The following ANK2 variants were observed in gnomAD, a reference collection of about 807,000 sequenced individuals.
The protein encoded by ANK2 is ankyrin 2.
ANK2 carries 83 observed loss-of-function variants against 360.5 expected under a neutral mutation model. The ratio of observed to expected loss-of-function variants is 0.23; its 90% confidence interval spans 0.19 to 0.28. ANK2 has a LOEUF of 0.28. ANK2 is among the 10% of genes least tolerant of loss of function. ANK2 has a pLI of 1.00. For missense variants in ANK2, 4,201 were observed against 4,795.7 expected (o/e 0.88, Z 3.66); for synonymous variants, 1,740 against 1,759.5 (o/e 0.99, Z 0.28).
At chr4:112,953,319 TA>T (rs1356246706) in intron 2 of ANK2, among the ~76,000 whole-genome samples, 10 of 152,392 alleles carry the variant, frequency 6.6e-5, no homozygotes, top group South Asian at 2.1e-4. Context: ...TTGAATATTG[TA>T]AAAATAATTA....
Position 113,247,546 on chromosome 4 carries a change from A to C in ANK2, c.892-2218A>C, listed in dbSNP as rs936579640. Among the ~76,000 whole-genome samples the C allele has an allele frequency of 2.0e-5, 3 of 152,222 alleles. No individual in the cohort carries two copies. In the South Asian group the frequency reaches 6.2e-4, roughly 31 times the overall value. On this transcript the variant is annotated intron_variant, in intron 9 of 45. Transcript: ENST00000357077. ...ATTTTGGATGTTTCAACATGATTAC[A>C]CAAAGACTATTTCATGCAATTTGCA...
chr4:112,894,917 CCA>C (rs1401167118), intron 1 of ANK2, among the ~76,000 whole-genome samples: 1 of 152,060 alleles, frequency 6.6e-6, no homozygotes, highest in Non-Finnish European at 1.5e-5. Flanking sequence ...TTTTTTTCCC[CCA>C]CAGTCTTTGA....
chr4:113,336,384 C>G (rs936274831), intron 30 of ANK2, 193 bp from the exon 31 acceptor site: 5 of 612,192 alleles, frequency 8.2e-6, no homozygotes, highest in Non-Finnish European at 1.4e-5. Flanking sequence ...CATCAGAGAT[C>G]GTGGATCTTA....
chr4:112,820,192 C>T (rs1259948554), intron 1 of ANK2, among the ~76,000 whole-genome samples: 1 of 152,256 alleles, frequency 6.6e-6, no homozygotes, highest in Non-Finnish European at 1.5e-5. Flanking sequence ...CCTGTATCCT[C>T]TTCCTGTCTT....
chr4:113,178,061 C>G (rs561909012), intron 2 of ANK2, among the ~76,000 whole-genome samples: 17 of 152,220 alleles, frequency 1.1e-4, no homozygotes, highest in Admixed American at 3.9e-4. Context: ...GGTTGATTCT[C>G]TTCAATTCCC....
intron 1 of ANK2, among the ~76,000 whole-genome samples, chr4:113,132,295 A>T (rs1162756637): frequency 6.6e-6 from 1 of 151,992 alleles, no homozygotes; most frequent in African/African-American, 2.4e-5. Flanking sequence ...TTCCGTTTTT[A>T]TATGTTTTAA....
intron 1 of ANK2, among the ~76,000 whole-genome samples, chr4:112,861,073 A>T (rs779118542): frequency 6.6e-6 from 1 of 152,206 alleles, no homozygotes; most frequent in Non-Finnish European, 1.5e-5. Flanking sequence ...TTGTCTCTAC[A>T]CTCTGATGCG....
upstream of ANK2, among the ~76,000 whole-genome samples, chr4:112,815,179 C>T (rs1367186209): frequency 7.2e-5 from 11 of 152,020 alleles, no homozygotes; most frequent in African/African-American, 2.7e-4. Context: ...CCACCACTGG[C>T]GAGAATTCAC....
intron 20 of ANK2, among the ~76,000 whole-genome samples, chr4:113,290,319 G>A (rs2066899671): frequency 6.6e-6 from 1 of 151,948 alleles, no homozygotes; most frequent in Admixed American, 6.6e-5. Context: ...TTTGGGAAAG[G>A]AATTAGGTTT....
chr4:113,329,152 T>C (rs2091533770), intron 26 of ANK2, among the ~76,000 whole-genome samples: 1 of 152,250 alleles, frequency 6.6e-6, no homozygotes, highest in Non-Finnish European at 1.5e-5. Context: ...TGTATACGTA[T>C]ACACAACACT....
In ANK2 at chr4:112,847,197, G is replaced by C. The variant is rs112289766; in HGVS notation, c.-40+28933G>C. Among the ~76,000 whole-genome samples the C allele has an allele frequency of 5.4e-3, 823 of 152,244 alleles. 5 individuals carry two copies. Among genetic ancestry groups the C allele is most frequent in the African/African-American group, 0.019 (776 of 41,528 alleles). ...TCTGATACTTCAGGTCTACAGATCCGGCTGCTTTGTGATGTCTTCTGTGTG... is the reference window on the plus strand; with the variant it reads ...TCTGATACTTCAGGTCTACAGATCCCGCTGCTTTGTGATGTCTTCTGTGTG... On this transcript the variant is annotated intron_variant, in intron 1 of 30. Transcript: ENST00000503271.
the ANK2 span, among the ~76,000 whole-genome samples, chr4:112,739,998 T>C: frequency 1.4e-4 from 22 of 151,956 alleles, no homozygotes; most frequent in African/African-American, 5.1e-4. Flanking sequence ...CCCGTCTCAA[T>C]AAATAAATAA....
intron 1 of ANK2, among the ~76,000 whole-genome samples, chr4:112,864,893 G>A (rs1288438406): frequency 6.6e-6 from 1 of 151,390 alleles, no homozygotes; most frequent in Non-Finnish European, 1.5e-5. Context: ...TTAGCTGGGC[G>A]TGGTGGTGGG....
At position 113,382,013 on chromosome 4, in the gene ANK2, T is replaced by C. The variant is rs116499162; in HGVS notation, c.*542T>C. The C allele has an allele frequency of 1.1e-3, 306 of 271,448 alleles. No homozygotes were observed. The highest frequency in any genetic ancestry group is 6.4e-3 in the African/African-American group (297 of 46,132). 16.8% of individuals were successfully genotyped at this position (271,448 alleles called of 1,614,324 possible). On this transcript the variant is annotated 3_prime_UTR_variant, in exon 46 of 46. Transcript: ENST00000357077. ...TAGGAATCCTTCCAAGGAATATCTA[T>C]GTACAATGTATATAGCTGAAATGCT...
intron 1 of ANK2, among the ~76,000 whole-genome samples, chr4:112,878,474 G>GTA (rs1560913064): frequency 1.3e-5 from 2 of 151,428 alleles, no homozygotes; most frequent in Non-Finnish European, 2.9e-5. Flanking sequence ...TTACAGGCAT[G>GTA]CGCCACCACG....
chr4:112,814,834 C>G (rs1458489834), upstream of ANK2, among the ~76,000 whole-genome samples: 1 of 152,014 alleles, frequency 6.6e-6, no homozygotes, highest in Non-Finnish European at 1.5e-5. Context: ...TTGGAAGGAA[C>G]AATTTGTCAG....
intron 2 of ANK2, among the ~76,000 whole-genome samples, chr4:112,927,083 G>T (rs972352477): frequency 6.6e-6 from 1 of 152,132 alleles, no homozygotes; most frequent in Non-Finnish European, 1.5e-5. Context: ...TACAAGAATA[G>T]CATAGGCCTG....
At chr4:113,333,292 G>GTGTT in intron 29 of ANK2, 84 bp downstream of exon 29, 1 of 1,483,034 alleles carries the variant, frequency 6.7e-7, no homozygotes, top group Non-Finnish European at 9.3e-7. Context: ...CTAGGGGTGT[G>GTGTT]TGTATATGTG....
At chr4:113,300,762 G>A (rs1234977334) in intron 22 of ANK2, among the ~76,000 whole-genome samples, 1 of 152,294 alleles carries the variant, frequency 6.6e-6, no homozygotes, top group East Asian at 1.9e-4. Flanking sequence ...AATAAAGGCA[G>A]CTCAACACGA....
Sources: allele counts gnomAD v4.1 joint callset (sites outside exome capture counted in the v4.1 genomes callset), GRCh38; gene constraint gnomAD v4.1.1; transcripts MANE v1.5; gene names NCBI Gene and HGNC (gene_info 2026-07-23, HGNC 2026-07-21).